Variants in C4orf17 observed in about 807,000 individuals in gnomAD.
The protein encoded by C4orf17 is chromosome 4 open reading frame 17.
Under a neutral mutation model 32.0 loss-of-function variants are expected in C4orf17, and 25 were observed. The ratio of observed to expected loss-of-function variants is 0.78; its 90% confidence interval spans 0.57 to 1.09. The LOEUF (loss-of-function observed/expected upper bound fraction) is 1.09, where lower values mean the gene tolerates loss of function less well. Among genes scored for constraint, C4orf17 ranks in the 50% least tolerant of loss-of-function variants. C4orf17 has a pLI of 0.00. For missense variants in C4orf17, 420 were observed against 420.0 expected (o/e 1.00, Z 0.00); for synonymous variants, 149 against 145.8 (o/e 1.02, Z -0.16).
At chr4:99,539,033 C>CT in intron 6 of C4orf17, 130 bp from the exon 7 acceptor site, 1 of 844,786 alleles carries the variant, frequency 1.2e-6, no homozygotes, top group Non-Finnish European at 1.9e-6. Context: ...GTCCTTACTC[C>CT]CACATAGGTA....
Position 99,542,047 on chromosome 4 carries a change from A to C in C4orf17, c.1018A>C (p.Ser340Arg), listed in dbSNP as rs759385898. ...SGSAKPVSAR[S>R]IQEYNLCPQR... ...ATCAGCAAAACCAGTGTCAGCAAGG[A>C]GTATACAAGAATACAACCTCTGTCC... The change falls in exon 9 of 9, where the codon AGT (serine) becomes CGT (arginine). Residue 340 changes from serine to arginine, a missense_variant. Physicochemically the swap from Ser to Arg is moderately radical, Grantham distance 110 (BLOSUM62 -1). Transcript: ENST00000326581. The C allele has an allele frequency of 6.2e-7, 1 of 1,614,176 alleles. No homozygotes were observed. Among genetic ancestry groups the C allele is most frequent in the Non-Finnish European group, 8.5e-7 (1 of 1,180,010 alleles).
intron 6 of C4orf17, 42 bp downstream of exon 6, chr4:99,537,792 AT>A (rs1560591442): frequency 7.1e-7 from 1 of 1,401,130 alleles, no homozygotes; most frequent in Admixed American, 1.7e-5. Flanking sequence ...AGCTCAATTT[AT>A]TGTCAGAAAC....
rs144766497 is a variant in C4orf17, at chr4:99,522,569, G to A, written c.197G>A (p.Gly66Asp). 733 of 1,613,744 alleles carry A rather than the reference G, an allele frequency of 4.5e-4. No individual in the cohort carries two copies. The highest frequency in any genetic ancestry group is 5.7e-4 in the South Asian group (52 of 91,072). The change falls in exon 3 of 9, where the codon GGC (glycine) becomes GAC (aspartate). Residue 66 changes from glycine to aspartate, a missense_variant. Transcript: ENST00000326581. The stretch of plus-strand genomic sequence containing the variant: ...GCATTTGGAACATTGTGGGGAGTTG[G>A]CCAGTCTAACTACTTAGAGAAGAAC... Reference protein sequence around the residue: ...ENAFGTLWGVGQSNYLEKNRI... With the variant: ...ENAFGTLWGVDQSNYLEKNRI...
At chr4:99,516,608 G>A (rs1189171977) in intron 2 of C4orf17, among the ~76,000 whole-genome samples, 1 of 152,136 alleles carries the variant, frequency 6.6e-6, no homozygotes, top group Non-Finnish European at 1.5e-5. Flanking sequence ...CTACAACGGG[G>A]TTAAGTATAC....
chr4:99,521,201 G>A (rs1174997758), intron 2 of C4orf17, among the ~76,000 whole-genome samples: 6 of 151,968 alleles, frequency 3.9e-5, no homozygotes, highest in Admixed American at 6.6e-5. Context: ...GTGAAACCTC[G>A]TCTCTACCAA....
chr4:99,524,074 G>A (rs796143230), intron 3 of C4orf17, among the ~76,000 whole-genome samples: 2 of 150,396 alleles, frequency 1.3e-5, no homozygotes, highest in African/African-American at 4.9e-5. Context: ...CCACCTCCTG[G>A]GTTCACGCCA....
rs1723635832 is a variant in C4orf17, at chr4:99,540,404, T to G, written c.837-8T>G. 4 of 1,606,454 alleles carry G rather than the reference T, an allele frequency of 2.5e-6. No individual in the cohort carries two copies. The highest frequency in any genetic ancestry group is 3.4e-6 in the Non-Finnish European group (4 of 1,175,532). On this transcript the variant is annotated splice_region_variant and splice_polypyrimidine_tract_variant and intron_variant, in intron 7 of 8. Transcript: ENST00000326581. ...AAATTCACTTTTTTCTTTCTCCAAC[T>G]GATCTAGAGTGTCAAGTCAAGGATC...
At chr4:99,535,845 T>C (rs111307169) in intron 5 of C4orf17, 8,844 of 399,394 alleles carry the variant, frequency 0.022, 250 homozygotes, top group Middle Eastern at 0.098. Context: ...CATTTTTGCA[T>C]TGATTCTTTT....
intron 2 of C4orf17, among the ~76,000 whole-genome samples, chr4:99,515,486 G>A (rs1394330351): frequency 6.6e-6 from 1 of 152,142 alleles, no homozygotes; most frequent in Admixed American, 6.5e-5. Context: ...GTAAGTGGGA[G>A]CTAAATGATG....
chr4:99,511,541 A>G (rs907172153), intron 1 of C4orf17, among the ~76,000 whole-genome samples: 1 of 152,200 alleles, frequency 6.6e-6, no homozygotes, highest in African/African-American at 2.4e-5. Context: ...CAATTTCATC[A>G]GGTAATAGAC....
At chr4:99,532,240 C>T (rs1250709182) in intron 5 of C4orf17, among the ~76,000 whole-genome samples, 2 of 152,032 alleles carry the variant, frequency 1.3e-5, no homozygotes, top group Admixed American at 6.6e-5. Context: ...GATAAAAAGA[C>T]ACCCGCACTG....
chr4:99,519,897 C>T (rs2110167152), intron 2 of C4orf17, among the ~76,000 whole-genome samples: 1 of 152,154 alleles, frequency 6.6e-6, no homozygotes, highest in African/African-American at 2.4e-5. Context: ...GAAACAAATT[C>T]AAGGAAAATG....
intron 4 of C4orf17, among the ~76,000 whole-genome samples, chr4:99,528,760 G>C (rs985671198): frequency 2.6e-5 from 4 of 152,154 alleles, no homozygotes; most frequent in African/African-American, 9.7e-5. Flanking sequence ...CAGATCTCAT[G>C]AGAACTCACT....
At chr4:99,533,829 A>G (rs999434936) in intron 5 of C4orf17, among the ~76,000 whole-genome samples, 8 of 152,166 alleles carry the variant, frequency 5.3e-5, no homozygotes, top group Admixed American at 1.3e-4. Flanking sequence ...CAGGACTTCA[A>G]TTCAGACCCC....
At position 99,524,227 on chromosome 4, in the gene C4orf17, C is replaced by T. The variant is rs151290963; in HGVS notation, c.338-294C>T. ...CGATCTCCTGACCTCGTGATCCGCC[C>T]GCCTTGGCCTCCCTAAAATATATAC... is the stretch of plus-strand genomic sequence containing the variant. On this transcript the variant is annotated intron_variant, in intron 3 of 8. Coordinates refer to ENST00000326581, the MANE Select transcript of C4orf17 (RefSeq NM_032149.3). 2.5e-3 allele frequency among the ~76,000 whole-genome samples: 381 copies of T among 152,008 alleles called. 1 individual carries two copies. The highest frequency in any genetic ancestry group is 7.8e-3 in the African/African-American group (325 of 41,490).
At chr4:99,514,954 G>A (rs1263258730) in intron 2 of C4orf17, among the ~76,000 whole-genome samples, 2 of 152,156 alleles carry the variant, frequency 1.3e-5, no homozygotes, top group East Asian at 1.9e-4. Flanking sequence ...CTTTTGCAGC[G>A]ACTTGGATGG....
chr4:99,542,112 G>T lies in C4orf17; in HGVS notation c.*3G>T, dbSNP rs1217234107. 1.2e-6 allele frequency: 2 copies of T among 1,610,728 alleles called. No homozygotes were observed. Among genetic ancestry groups the T allele is most frequent in the Non-Finnish European group, 1.7e-6 (2 of 1,177,610 alleles). ...ATCCTTCAACACACCGGAGGTAGAA[G>T]TTCTAGACTGGGTGAATTCTTTCAT... On this transcript the variant is annotated 3_prime_UTR_variant, in exon 9 of 9. Transcript: ENST00000326581.
intron 4 of C4orf17, among the ~76,000 whole-genome samples, chr4:99,524,934 T>C (rs1364654161): frequency 1.3e-5 from 2 of 152,254 alleles, no homozygotes; most frequent in Non-Finnish European, 2.9e-5. Context: ...AGTCATATGG[T>C]GAGTTCTCTT....
chr4:99,537,883 G>A, intron 6 of C4orf17, 133 bp downstream of exon 6: 1 of 696,120 alleles, frequency 1.4e-6, no homozygotes, highest in Non-Finnish European at 2.5e-6. Flanking sequence ...CAATGTTTCA[G>A]TATCAGGGTG....
Sources: allele counts gnomAD v4.1 joint callset (sites outside exome capture counted in the v4.1 genomes callset), GRCh38; gene constraint gnomAD v4.1.1; transcripts MANE v1.5; gene names NCBI Gene and HGNC (gene_info 2026-07-23, HGNC 2026-07-21).